The following ADCY8 variants were observed in gnomAD, a reference collection of about 807,000 sequenced individuals.
ADCY8 encodes adenylate cyclase type 8.
ADCY8 carries 51 observed loss-of-function variants against 119.7 expected under a neutral mutation model. The ratio of observed to expected loss-of-function variants is 0.43; its 90% CI spans 0.34 to 0.54. ADCY8 has a LOEUF of 0.54. Ranked by LOEUF, ADCY8 falls within the 20% of genes least tolerant of loss-of-function variation. The pLI, the probability that ADCY8 is intolerant of heterozygous loss-of-function variation, is 0.03. For synonymous variants in ADCY8, 665 were observed against 651.0 expected, an observed-to-expected ratio of 1.02 and a Z score of -0.33; for missense variants, 1,383 against 1,598.8, an observed-to-expected ratio of 0.87 and a Z score of 2.30.
chr8:130,920,051 G>C (rs1323114492), intron 5 of ADCY8, among the ~76,000 whole-genome samples: 1 of 149,788 alleles, frequency 6.7e-6, no homozygotes, highest in Non-Finnish European at 1.5e-5. Flanking sequence ...GCTGAGGTGG[G>C]AAGATCCCCT....
chr8:130,956,966 A>G (rs997438275), intron 2 of ADCY8, among the ~76,000 whole-genome samples: 2 of 152,230 alleles, frequency 1.3e-5, no homozygotes, highest in Non-Finnish European at 2.9e-5. Flanking sequence ...AGTCTTGGGT[A>G]TATCTTTACT....
At chr8:130,936,984 T>C (rs1820806164) in intron 5 of ADCY8, 89 bp downstream of exon 5, 4 of 1,436,466 alleles carry the variant, frequency 2.8e-6, no homozygotes, top group Non-Finnish European at 3.7e-6. Context: ...CCTTTCACCA[T>C]ACATATGATT....
At chr8:130,853,700 T>C (rs991724184) in intron 9 of ADCY8, among the ~76,000 whole-genome samples, 42 of 151,940 alleles carry the variant, frequency 2.8e-4, no homozygotes, top group Non-Finnish European at 7.4e-5. Context: ...CTCACCTGAG[T>C]CCCTGACCCA....
At chr8:130,904,179 T>G (rs1269838845) in intron 6 of ADCY8, 137 bp from the exon 7 acceptor site, 2 of 874,366 alleles carry the variant, frequency 2.3e-6, no homozygotes, top group African/African-American at 3.3e-5. Flanking sequence ...AATACTTGTC[T>G]TCCTAAAAAG....
At chr8:130,821,747 A>G (rs10093375) in intron 12 of ADCY8, among the ~76,000 whole-genome samples, 25,537 of 152,158 alleles carry the variant, frequency 0.17, 2,211 homozygotes, top group Admixed American at 0.2. Flanking sequence ...TTTCCTATCA[A>G]AATCCATGTG....
intron 1 of ADCY8, among the ~76,000 whole-genome samples, chr8:131,023,368 C>T (rs1218765869): frequency 6.6e-6 from 1 of 152,174 alleles, no homozygotes; most frequent in Non-Finnish European, 1.5e-5. Flanking sequence ...AAGTCCTCAA[C>T]AGCTAAAGAC....
chr8:130,853,198 G>A (rs554289310), intron 9 of ADCY8, among the ~76,000 whole-genome samples: 3 of 152,328 alleles, frequency 2.0e-5, no homozygotes, highest in African/African-American at 7.2e-5. Context: ...TCGATCCACT[G>A]AGATGACAGG....
At chr8:130,800,974 T>G (rs2130113577) in intron 14 of ADCY8, among the ~76,000 whole-genome samples, 1 of 152,166 alleles carries the variant, frequency 6.6e-6, no homozygotes, top group South Asian at 2.1e-4. Context: ...CCAGTAGGGG[T>G]TTTACCTTCA....
At chr8:130,980,786 G>T (rs1444495395) in intron 2 of ADCY8, among the ~76,000 whole-genome samples, 1 of 152,154 alleles carries the variant, frequency 6.6e-6, no homozygotes, top group Non-Finnish European at 1.5e-5. Flanking sequence ...TCCAATGGCC[G>T]ATCAAGAGTA....
At chr8:130,935,841 GA>G (rs1820767028) in intron 5 of ADCY8, among the ~76,000 whole-genome samples, 2 of 152,184 alleles carry the variant, frequency 1.3e-5, no homozygotes, top group South Asian at 4.1e-4. Context: ...CTGCAGGTGG[GA>G]AAACTTCATG....
At chr8:130,922,256 G>C (rs1360504912) in intron 5 of ADCY8, among the ~76,000 whole-genome samples, 1 of 147,034 alleles carries the variant, frequency 6.8e-6, no homozygotes, top group African/African-American at 2.5e-5. Context: ...GTTTCTCACA[G>C]AGGGGGATTT....
intron 2 of ADCY8, among the ~76,000 whole-genome samples, chr8:130,966,804 T>C (rs1457231967): frequency 6.6e-6 from 1 of 152,188 alleles, no homozygotes; most frequent in Admixed American, 6.5e-5. Context: ...TTTTATAGGG[T>C]TGGTGTGGGA....
At chr8:130,856,809 G>A (rs1490445548) in intron 9 of ADCY8, among the ~76,000 whole-genome samples, 1 of 151,872 alleles carries the variant, frequency 6.6e-6, no homozygotes, top group East Asian at 1.9e-4. Context: ...AGGAGGGCAG[G>A]GATTTTGTTC....
chr8:130,811,181 A>C (rs1020904613), intron 14 of ADCY8, among the ~76,000 whole-genome samples: 1 of 152,172 alleles, frequency 6.6e-6, no homozygotes, highest in African/African-American at 2.4e-5. Context: ...AGAGACTCTC[A>C]AAGACCTGAG....
intron 4 of ADCY8, among the ~76,000 whole-genome samples, chr8:130,941,690 A>C (rs1055329012): frequency 1.3e-5 from 2 of 152,090 alleles, no homozygotes; most frequent in Non-Finnish European, 2.9e-5. Context: ...GTAGCTGTTC[A>C]GTAGCTGAAA....
chr8:130,845,823 T>C (rs564717759), intron 11 of ADCY8, among the ~76,000 whole-genome samples: 1 of 152,092 alleles, frequency 6.6e-6, no homozygotes, highest in Admixed American at 6.5e-5. Context: ...GTATCAAGCC[T>C]TGATAATTGA....
At chr8:130,813,779 G>A (rs141321488) in intron 14 of ADCY8, among the ~76,000 whole-genome samples, 124 of 151,888 alleles carry the variant, frequency 8.2e-4, no homozygotes, top group African/African-American at 2.7e-3. Flanking sequence ...ACATACATAC[G>A]TACATACACA....
rs138677944 is a variant in ADCY8, at chr8:130,957,448, A to C, written c.1111-5450T>G. ...AGTTTTATAAGGGAAGCAGAGCATA[A>C]AAGTTTGGAAAATTTGCAACTTGAC... On this transcript the variant is annotated intron_variant, in intron 2 of 17. Coordinates refer to ENST00000286355, the MANE Select transcript of ADCY8 (RefSeq NM_001115.3). 9.5e-4 allele frequency among the ~76,000 whole-genome samples: 145 copies of C among 152,346 alleles called. 2 individuals carry two copies. In the East Asian group the frequency reaches 0.026, roughly 27 times the overall value.
intron 2 of ADCY8, among the ~76,000 whole-genome samples, chr8:130,982,266 A>G (rs1257824217): frequency 2.0e-5 from 3 of 152,232 alleles, no homozygotes; most frequent in African/African-American, 7.2e-5. Context: ...GAAGGGAAGC[A>G]TGGTGCTAAC....
Sources: allele counts gnomAD v4.1 joint callset (sites outside exome capture counted in the v4.1 genomes callset), GRCh38; gene constraint gnomAD v4.1.1; transcripts MANE v1.5; gene names NCBI Gene and HGNC (gene_info 2026-07-23, HGNC 2026-07-21).